Variants in PLS1 observed in about 807,000 individuals in gnomAD.
The protein encoded by PLS1 is plastin-1.
PLS1 carries 32 observed loss-of-function variants against 73.7 expected under a neutral mutation model. That is an observed-to-expected ratio of 0.43 (90% CI 0.33 to 0.58). The LOEUF is 0.58. PLS1 is among the 20% of genes least tolerant of loss of function. The pLI is 0.04. For synonymous variants in PLS1, 217 were observed against 261.3 expected (o/e 0.83, Z 1.63); for missense variants, 633 against 740.5 (o/e 0.85, Z 1.68).
intron 1 of PLS1, among the ~76,000 whole-genome samples, chr3:142,626,560 A>G (rs1315588883): frequency 6.6e-6 from 1 of 152,212 alleles, no homozygotes; most frequent in Non-Finnish European, 1.5e-5. Context: ...CTCATAGTAC[A>G]ATATGTATGC....
In PLS1 at chr3:142,703,898, G is replaced by A; in HGVS notation, c.1402G>A (p.Gly468Arg). Residue 468 changes from glycine to arginine, a missense_variant, in exon 13 of 16, where the codon GGG (glycine) becomes AGG (arginine). Transcript: ENST00000457734. ...AAACTGTAACTATGCAGTGGAACTT[G>A]GGAAGAACAAGGCCAAATTCTCCTT... Reference protein sequence around the residue: ...IENCNYAVELGKNKAKFSLVG... With the variant: ...IENCNYAVELRKNKAKFSLVG... 1 of 1,610,980 alleles carries A rather than the reference G, an allele frequency of 6.2e-7. No homozygotes were observed. The highest frequency in any genetic ancestry group is 8.5e-7 in the Non-Finnish European group (1 of 1,177,152).
chr3:142,605,937 CTA>C (rs1356017477), intron 1 of PLS1, among the ~76,000 whole-genome samples: 4 of 152,114 alleles, frequency 2.6e-5, no homozygotes, highest in African/African-American at 9.7e-5. Flanking sequence ...TATATTCTCC[CTA>C]TGTGATATAT....
intron 1 of PLS1, among the ~76,000 whole-genome samples, chr3:142,618,018 C>T (rs537128269): frequency 1.5e-3 from 228 of 152,212 alleles, no homozygotes; most frequent in Non-Finnish European, 2.3e-3. Flanking sequence ...TGCTAGGCAT[C>T]ATTTCATGTC....
intron 4 of PLS1, 93 bp from the exon 5 acceptor site, chr3:142,676,064 A>C: frequency 1.1e-6 from 1 of 910,470 alleles, no homozygotes; most frequent in Admixed American, 2.5e-5. Flanking sequence ...GAAATTAACA[A>C]GTATGTTTTT....
intron 2 of PLS1, among the ~76,000 whole-genome samples, chr3:142,665,459 A>C (rs538400623): frequency 6.6e-6 from 1 of 152,204 alleles, no homozygotes; most frequent in Non-Finnish European, 1.5e-5. Flanking sequence ...ATATGGTATG[A>C]TTTTCAGAAA....
At chr3:142,606,297 G>C (rs951371945) in intron 1 of PLS1, among the ~76,000 whole-genome samples, 5 of 152,026 alleles carry the variant, frequency 3.3e-5, no homozygotes, top group Admixed American at 6.6e-5. Context: ...TTTTGAGTAT[G>C]TTATGTCCTG....
chr3:142,690,930 C>G (rs1407126590), intron 10 of PLS1, among the ~76,000 whole-genome samples: 1 of 151,776 alleles, frequency 6.6e-6, no homozygotes, highest in Non-Finnish European at 1.5e-5. Context: ...CAGAGGAAGG[C>G]GCCAATCTTA....
chr3:142,654,518 A>AT (rs1056959167), intron 1 of PLS1, among the ~76,000 whole-genome samples: 1 of 151,732 alleles, frequency 6.6e-6, no homozygotes, highest in Non-Finnish European at 1.5e-5. Flanking sequence ...CTAACTTAAA[A>AT]TTTTTTTTCT....
chr3:142,621,882 A>G (rs1407476119), intron 1 of PLS1, among the ~76,000 whole-genome samples: 1 of 152,194 alleles, frequency 6.6e-6, no homozygotes, highest in Non-Finnish European at 1.5e-5. Context: ...CAGCAGCAGG[A>G]CTACAGCCAT....
chr3:142,663,041 C>A (rs768544746), intron 1 of PLS1, among the ~76,000 whole-genome samples: 13 of 152,096 alleles, frequency 8.5e-5, no homozygotes, highest in Middle Eastern at 3.4e-3. Context: ...GAAACCACGT[C>A]TCTACTAAAA....
intron 1 of PLS1, among the ~76,000 whole-genome samples, chr3:142,658,037 T>C (rs1464382211): frequency 1.3e-5 from 2 of 152,158 alleles, no homozygotes; most frequent in Non-Finnish European, 2.9e-5. Flanking sequence ...TTTTTTCTCT[T>C]TAAGAATAAT....
chr3:142,597,863 AT>A (rs1429125102), intron 1 of PLS1, among the ~76,000 whole-genome samples: 7 of 152,274 alleles, frequency 4.6e-5, no homozygotes, highest in African/African-American at 1.7e-4. Context: ...TAAGCAGAAA[AT>A]TAGTTGTTTC....
At chr3:142,686,245 A>G (rs1444672767) in intron 8 of PLS1, 39 bp from the exon 9 acceptor site, 37 of 1,172,178 alleles carry the variant, frequency 3.2e-5, no homozygotes, top group Non-Finnish European at 4.3e-5. Context: ...TGATGATTTT[A>G]TTCGTTTTAA....
intron 2 of PLS1, among the ~76,000 whole-genome samples, chr3:142,666,248 G>A (rs2107832524): frequency 1.3e-5 from 2 of 152,184 alleles, no homozygotes; most frequent in East Asian, 3.9e-4. Context: ...CATTCACATT[G>A]TTCTACATTC....
At chr3:142,682,461 A>G (rs1007112254) in intron 6 of PLS1, among the ~76,000 whole-genome samples, 28 of 152,352 alleles carry the variant, frequency 1.8e-4, no homozygotes, top group African/African-American at 6.7e-4. Flanking sequence ...GTCATTGTCC[A>G]GGCTGAGAGT....
chr3:142,604,377 C>T (rs2035982599), intron 1 of PLS1, among the ~76,000 whole-genome samples: 1 of 152,204 alleles, frequency 6.6e-6, no homozygotes, highest in Non-Finnish European at 1.5e-5. Flanking sequence ...GAATTCTTTC[C>T]TGGCGGTCTC....
intron 12 of PLS1, among the ~76,000 whole-genome samples, chr3:142,701,014 C>CT (rs1386687909): frequency 1.3e-5 from 2 of 152,186 alleles, no homozygotes; most frequent in Non-Finnish European, 2.9e-5. Flanking sequence ...CCATGTGGAA[C>CT]TATAAGTCCA....
chr3:142,598,786 A>G (rs1461119526), intron 1 of PLS1, among the ~76,000 whole-genome samples: 1 of 152,136 alleles, frequency 6.6e-6, no homozygotes, highest in Admixed American at 6.5e-5. Context: ...TCACAAGGTC[A>G]GGAGATTGAG....
At chr3:142,704,204 T>C (rs1479128323) in intron 13 of PLS1, among the ~76,000 whole-genome samples, 1 of 152,238 alleles carries the variant, frequency 6.6e-6, no homozygotes, top group Admixed American at 6.5e-5. Flanking sequence ...CCAGAAACAC[T>C]ATCACTTTTA....
Sources: allele counts gnomAD v4.1 joint callset (sites outside exome capture counted in the v4.1 genomes callset), GRCh38; gene constraint gnomAD v4.1.1; transcripts MANE v1.5; gene names NCBI Gene and HGNC (gene_info 2026-07-23, HGNC 2026-07-21).